Variants in GRHL2 observed in about 807,000 individuals in gnomAD.
GRHL2 encodes grainyhead-like protein 2 homolog.
In GRHL2, 21 loss-of-function variants were observed where a neutral mutation model predicts 83.8. The observed-to-expected ratio is 0.25, with a 90% CI of 0.18 to 0.36. The LOEUF (loss-of-function observed/expected upper bound fraction) is 0.36. Ranked by LOEUF, GRHL2 falls within the 10% of genes least tolerant of loss-of-function variation. The probability of loss-of-function intolerance (pLI) is 1.00; values close to 1 mark genes in which losing one functional copy is unlikely to be tolerated. For synonymous variants in GRHL2, 280 were observed against 278.9 expected (o/e 1.00, Z -0.04); for missense variants, 623 against 781.8 (o/e 0.80, Z 2.42).
At chr8:101,493,487 G>A (rs1270461466) in intron 1 of GRHL2, among the ~76,000 whole-genome samples, 1 of 49,598 alleles carries the variant, frequency 2.0e-5, no homozygotes, top group Non-Finnish European at 1.0e-4. Context: ...ACCTTCCTCA[G>A]GTGCCCGGGG....
chr8:101,532,072 T>G (rs1421555986), intron 1 of GRHL2, among the ~76,000 whole-genome samples: 2 of 152,242 alleles, frequency 1.3e-5, no homozygotes, highest in Non-Finnish European at 2.9e-5. Flanking sequence ...ATGGATTCAT[T>G]TCACTTCTAA....
At chr8:101,598,665 A>T (rs1364718589) in intron 7 of GRHL2, among the ~76,000 whole-genome samples, 1 of 151,126 alleles carries the variant, frequency 6.6e-6, no homozygotes, top group Non-Finnish European at 1.5e-5. Context: ...TGTTCTACAA[A>T]AAATTCCATA....
At chr8:101,602,046 A>T (rs904750129) in intron 8 of GRHL2, among the ~76,000 whole-genome samples, 3 of 151,986 alleles carry the variant, frequency 2.0e-5, no homozygotes, top group African/African-American at 7.3e-5. Flanking sequence ...CTCATTGTTC[A>T]GCTCCCACTT....
intron 9 of GRHL2, among the ~76,000 whole-genome samples, chr8:101,629,978 T>C (rs1813154790): frequency 6.6e-6 from 1 of 152,156 alleles, no homozygotes; most frequent in Admixed American, 6.6e-5. Flanking sequence ...AAACTTCATA[T>C]GAAGCACTAT....
chr8:101,579,178 C>T (rs1317083711), intron 7 of GRHL2, among the ~76,000 whole-genome samples: 1 of 152,138 alleles, frequency 6.6e-6, no homozygotes, highest in African/African-American at 2.4e-5. Context: ...AGCAGAGGAA[C>T]AATTTTATTT....
chr8:101,671,617 A>G (rs1814211599), downstream of GRHL2, among the ~76,000 whole-genome samples: 3 of 152,182 alleles, frequency 2.0e-5, no homozygotes, highest in Non-Finnish European at 2.9e-5. Flanking sequence ...GGGGCAGGGC[A>G]CAGACAAACA....
At chr8:101,602,605 T>A (rs4236766) in intron 8 of GRHL2, among the ~76,000 whole-genome samples, 77,465 of 152,132 alleles carry the variant, frequency 0.51, 21,611 homozygotes, top group African/African-American at 0.74. Flanking sequence ...TTATTATTTT[T>A]AAAAATCCAG....
chr8:101,664,884 A>G (rs1270899161), intron 15 of GRHL2, among the ~76,000 whole-genome samples: 1 of 152,120 alleles, frequency 6.6e-6, no homozygotes, highest in South Asian at 2.1e-4. Flanking sequence ...TGGGTGGCAT[A>G]CTAGGAACAA....
chr8:101,578,913 G>A (rs1385861572), intron 7 of GRHL2, among the ~76,000 whole-genome samples: 1 of 152,160 alleles, frequency 6.6e-6, no homozygotes, highest in Non-Finnish European at 1.5e-5. Context: ...AAATAGTTAA[G>A]CCGCTCCTCA....
At chr8:101,644,304 C>T in intron 13 of GRHL2, 79 bp downstream of exon 13, 2 of 1,136,580 alleles carry the variant, frequency 1.8e-6, no homozygotes, top group Non-Finnish European at 2.6e-6. Context: ...GCCCTCTTGC[C>T]CAGGCCCCCA....
At chr8:101,666,453 G>A (rs1814059597) in intron 15 of GRHL2, 136 bp from the exon 16 acceptor site, 1 of 689,590 alleles carries the variant, frequency 1.5e-6, no homozygotes, top group Non-Finnish European at 2.7e-6. Context: ...CCTGCCTTGT[G>A]TCCTCTCTCC....
intron 1 of GRHL2, among the ~76,000 whole-genome samples, chr8:101,510,927 C>G (rs1170319099): frequency 6.6e-6 from 1 of 152,012 alleles, no homozygotes; most frequent in African/African-American, 2.4e-5. Context: ...GGCGAAACCC[C>G]GTCTCTACTA....
intron 12 of GRHL2, among the ~76,000 whole-genome samples, chr8:101,637,717 G>A (rs567659141): frequency 6.6e-6 from 1 of 152,274 alleles, no homozygotes; most frequent in Non-Finnish European, 1.5e-5. Context: ...GTTCATGTGT[G>A]TGAGATAGCT....
chr8:101,637,310 G>T (rs781003376), intron 12 of GRHL2, among the ~76,000 whole-genome samples: 1 of 152,154 alleles, frequency 6.6e-6, no homozygotes, highest in East Asian at 1.9e-4. Flanking sequence ...CTTGAGGCAA[G>T]AGTCAAAGAT....
chr8:101,651,174 G>T (rs1813614367), intron 14 of GRHL2, among the ~76,000 whole-genome samples: 1 of 152,200 alleles, frequency 6.6e-6, no homozygotes, highest in Non-Finnish European at 1.5e-5. Flanking sequence ...AGCTGGAAAA[G>T]CTCATAAAAT....
At chr8:101,572,757 T>C (rs976470374) in intron 5 of GRHL2, among the ~76,000 whole-genome samples, 1 of 152,092 alleles carries the variant, frequency 6.6e-6, no homozygotes, top group Non-Finnish European at 1.5e-5. Flanking sequence ...ATAATTGATA[T>C]ACTCTTCGAA....
intron 8 of GRHL2, among the ~76,000 whole-genome samples, chr8:101,609,084 G>A (rs749750921): frequency 4.7e-5 from 7 of 150,534 alleles, no homozygotes; most frequent in Non-Finnish European, 8.8e-5. Context: ...GCTGGGGAGA[G>A]AATTGGAGGG....
chr8:101,534,874 G>A (rs988870198), intron 1 of GRHL2, among the ~76,000 whole-genome samples: 2 of 152,180 alleles, frequency 1.3e-5, no homozygotes, highest in Non-Finnish European at 2.9e-5. Flanking sequence ...GTGTTGTGTG[G>A]TGGTGATTGA....
At chr8:101,670,179 T>C (rs996225905), downstream of GRHL2, among the ~76,000 whole-genome samples, 1 of 152,222 alleles carries the variant, frequency 6.6e-6, no homozygotes, top group African/African-American at 2.4e-5. Flanking sequence ...ACAGGCTCCC[T>C]AAGATCTGTT....
Sources: gnomAD v4.1 joint callset for allele counts (sites outside exome capture counted in the v4.1 genomes callset) on GRCh38, gnomAD v4.1.1 for gene constraint, MANE v1.5 for transcripts, NCBI Gene and HGNC (gene_info 2026-07-23, HGNC 2026-07-21) for gene names.